The following NRP2 variants were observed in gnomAD, a reference collection of about 807,000 sequenced individuals.
NRP2 encodes neuropilin 2.
In NRP2, 52 loss-of-function variants were observed where a neutral mutation model predicts 110.4. The ratio of observed to expected loss-of-function variants is 0.47; its 90% confidence interval spans 0.38 to 0.59. NRP2 has a LOEUF of 0.59. NRP2 is among the 20% of genes least tolerant of loss of function. NRP2 has a pLI of 0.00. For synonymous variants in NRP2, 508 were observed against 468.9 expected (o/e 1.08, Z -1.08); for missense variants, 1,049 against 1,203.0 (o/e 0.87, Z 1.89).
intron 15 of NRP2, among the ~76,000 whole-genome samples, chr2:205,774,842 C>T (rs973107545): frequency 1.3e-5 from 2 of 152,122 alleles, no homozygotes; most frequent in African/African-American, 2.4e-5. Context: ...TTATTGAGTG[C>T]CTTCTTTGTA....
intron 10 of NRP2, among the ~76,000 whole-genome samples, chr2:205,746,552 G>A (rs527241643): frequency 1.3e-5 from 2 of 152,236 alleles, no homozygotes; most frequent in South Asian, 2.1e-4. Context: ...TCCTTGGGTC[G>A]CCAGCCCTCC....
In NRP2 at chr2:205,794,817, C is replaced by T. The variant is rs749336959; in HGVS notation, c.2540C>T (p.Thr847Ile). 7 of 1,614,082 alleles carry T rather than the reference C, an allele frequency of 4.3e-6. No individual in the cohort carries two copies. The East Asian group carries it at 8.9e-5, about 21-fold the overall frequency. ...SATSGSGAPS[T>I]DKEKSWLYTL... is the part of the protein sequence containing the mutation. ...ACCTCAGGGTCTGGCGCCCCCTCGA[C>T]CGACAAAGAAAAGAGCTGGCTGTAC... The change falls in exon 17 of 17, where the codon ACC (threonine) becomes ATC (isoleucine). Residue 847 changes from threonine (T) to isoleucine (I), a missense_variant. Coordinates refer to ENST00000357785, the MANE Select transcript of NRP2 (RefSeq NM_003872.3).
intron 12 of NRP2, chr2:205,761,488 T>C (rs922143487): frequency 9.2e-5 from 14 of 152,216 alleles, no homozygotes; most frequent in Non-Finnish European, 1.6e-4. Flanking sequence ...AAATCAGCAG[T>C]ACAGTCAGTA....
intron 15 of NRP2, among the ~76,000 whole-genome samples, chr2:205,782,373 G>A (rs2058184573): frequency 1.3e-5 from 2 of 152,180 alleles, no homozygotes; most frequent in African/African-American, 2.4e-5. Context: ...GCTTGAGAGT[G>A]TATTGATACT....
At chr2:205,704,019 T>C (rs1407541070) in intron 2 of NRP2, among the ~76,000 whole-genome samples, 3 of 152,156 alleles carry the variant, frequency 2.0e-5, no homozygotes, top group Admixed American at 6.5e-5. Flanking sequence ...ATGGGGACTC[T>C]CTGCTGTCCC....
chr2:205,687,544 G>C (rs1219179285), intron 1 of NRP2, among the ~76,000 whole-genome samples: 1 of 152,164 alleles, frequency 6.6e-6, no homozygotes, highest in Non-Finnish European at 1.5e-5. Flanking sequence ...AAAGGGCCCC[G>C]GGCAGGCCCC....
In NRP2 at chr2:205,686,656, A is replaced by G. The variant is rs2056172700; in HGVS notation, c.73+3293A>G. On this transcript the variant is annotated intron_variant, in intron 1 of 16. Coordinates refer to ENST00000357785, the MANE Select transcript of NRP2 (RefSeq NM_003872.3). This position sits in a 1 kb window ranked among gnomAD's most constrained non-coding sequence, Gnocchi z 4.7. ...TAGACTTGTCGCCCCTCTGGGAATC[A>G]TCTGGGTTGGGGAACCTTCGGGAAT... is the stretch of plus-strand genomic sequence containing the variant. Among the ~76,000 whole-genome samples the G allele has an allele frequency of 1.3e-5, 2 of 152,154 alleles. No homozygotes were observed. Among genetic ancestry groups the G allele is most frequent in the African/African-American group, 4.8e-5 (2 of 41,436 alleles).
chr2:205,695,612 G>A (rs989502291), intron 1 of NRP2, among the ~76,000 whole-genome samples: 1 of 152,176 alleles, frequency 6.6e-6, no homozygotes, highest in Non-Finnish European at 1.5e-5. Context: ...AAAAAGTGTG[G>A]TTTGGGGTGA....
intron 15 of NRP2, among the ~76,000 whole-genome samples, chr2:205,782,378 G>C (rs1355459249): frequency 6.6e-6 from 1 of 152,184 alleles, no homozygotes; most frequent in Admixed American, 6.5e-5. Flanking sequence ...AGAGTGTATT[G>C]ATACTGATGA....
chr2:205,762,644 G>A (rs1435970423), intron 12 of NRP2: 1 of 152,220 alleles, frequency 6.6e-6, no homozygotes, highest in Non-Finnish European at 1.5e-5. Flanking sequence ...TCTTGCAGAA[G>A]TATTCAGCCT....
intron 2 of NRP2, among the ~76,000 whole-genome samples, chr2:205,703,523 C>A (rs540137807): frequency 2.1e-4 from 32 of 152,282 alleles, no homozygotes; most frequent in African/African-American, 6.3e-4. Flanking sequence ...AGCCAGATAC[C>A]CTAGTTTTCA....
At chr2:205,792,306 G>A (rs1203534292) in intron 16 of NRP2, 21 bp downstream of exon 16, 3 of 1,586,554 alleles carry the variant, frequency 1.9e-6, no homozygotes, top group Non-Finnish European at 2.6e-6. Flanking sequence ...TTATGATTTA[G>A]CAGGTAATCG....
chr2:205,699,295 G>A (rs893199682), intron 2 of NRP2, among the ~76,000 whole-genome samples: 3 of 152,198 alleles, frequency 2.0e-5, no homozygotes, highest in African/African-American at 7.2e-5. Context: ...TTTATAAGGT[G>A]TTTTGGGCTC....
chr2:205,745,934 C>T (rs541099692), intron 10 of NRP2, 44 bp downstream of exon 10: 2 of 1,611,356 alleles, frequency 1.2e-6, no homozygotes, highest in African/African-American at 1.3e-5. Context: ...CCACATGGTC[C>T]TCTGACCCTG....
intron 12 of NRP2, among the ~76,000 whole-genome samples, chr2:205,758,792 G>T (rs544079252): frequency 3.3e-5 from 5 of 152,098 alleles, no homozygotes; most frequent in South Asian, 2.1e-4. Context: ...TCCATTGCCG[G>T]CATCATAGCC....
chr2:205,747,654 A>T (rs1231671888), intron 10 of NRP2, among the ~76,000 whole-genome samples: 1 of 152,158 alleles, frequency 6.6e-6, no homozygotes, highest in Non-Finnish European at 1.5e-5. Flanking sequence ...ACCTGGGCCA[A>T]TTCCTCTTTC....
chr2:205,700,110 T>A (rs926097813), intron 2 of NRP2, among the ~76,000 whole-genome samples: 4 of 152,198 alleles, frequency 2.6e-5, no homozygotes, highest in South Asian at 2.1e-4. Context: ...CCCTCCCCAC[T>A]GCCTTGTTTT....
rs1457136863 is a variant in NRP2, at chr2:205,683,231, C to T, written c.-60C>T. ...AGGAGGAAAATAAAAGAGAGAAAAA[C>T]ACAAAGATTTAAACAAGAAACCTAC... On this transcript the variant is annotated 5_prime_UTR_variant, in exon 1 of 17. Coordinates refer to ENST00000357785, the MANE Select transcript of NRP2 (RefSeq NM_003872.3). 5 of 1,255,222 alleles carry T rather than the reference C, an allele frequency of 4.0e-6. No individual in the cohort carries two copies. Among genetic ancestry groups the T allele is most frequent in the Non-Finnish European group, 5.8e-6 (5 of 859,684 alleles). The allele number at this position is 1,255,222 out of a possible 1,614,324, so 77.8% of individuals were successfully genotyped here.
intron 2 of NRP2, chr2:205,700,971 C>A: frequency 6.6e-6 from 2 of 303,858 alleles, no homozygotes; most frequent in South Asian, 5.4e-5. Flanking sequence ...CAGAGAGAAG[C>A]CACTTTATTC....
Sources: allele counts gnomAD v4.1 joint callset (sites outside exome capture counted in the v4.1 genomes callset), GRCh38; gene constraint gnomAD v4.1.1; non-coding constraint Gnocchi (gnomAD v3.1); transcripts MANE v1.5; gene names NCBI Gene and HGNC (gene_info 2026-07-23, HGNC 2026-07-21).